RNF17: variants seen among roughly 807,000 people sequenced by gnomAD.
The protein encoded by RNF17 is ring finger protein 17.
RNF17 carries 31 observed loss-of-function variants against 200.5 expected under a neutral mutation model. That is an observed-to-expected ratio of 0.15 (90% CI 0.12 to 0.21). The LOEUF (loss-of-function observed/expected upper bound fraction) is 0.21, where lower values mean the gene tolerates loss of function less well. RNF17 is among the 10% of genes least tolerant of loss of function. The pLI, the probability that RNF17 is intolerant of heterozygous loss-of-function variation, is 1.00. For synonymous variants in RNF17, 606 were observed against 637.8 expected (o/e 0.95, Z 0.75); for missense variants, 1,628 against 1,905.1 (o/e 0.85, Z 2.71).
chr13:24,815,428 GGTGTGTGTGTGTGT>G (rs60054136), intron 15 of RNF17, among the ~76,000 whole-genome samples: 31,279 of 144,104 alleles, frequency 0.22, 3,732 homozygotes, highest in East Asian at 0.36. Flanking sequence ...GCCCTAACGG[GGTGTGTGTGTGTGT>G]GTGTGTGTGT....
At chr13:24,794,845 G>A (rs1460322090) in intron 10 of RNF17, among the ~76,000 whole-genome samples, 1 of 152,178 alleles carries the variant, frequency 6.6e-6, no homozygotes, top group African/African-American at 2.4e-5. Flanking sequence ...AGCCTCCGGA[G>A]TAGCTGGGAT....
At chr13:24,764,139 T>A, upstream of RNF17, 1 of 1,473,564 alleles carries the variant, frequency 6.8e-7, no homozygotes, top group Non-Finnish European at 9.2e-7. Flanking sequence ...CTCCAATGAT[T>A]GGTCGCTGCC....
At chr13:24,826,921 A>G (rs917710417) in intron 16 of RNF17, among the ~76,000 whole-genome samples, 10 of 151,880 alleles carry the variant, frequency 6.6e-5, no homozygotes, top group African/African-American at 2.4e-4. Context: ...TTAGCTGGGC[A>G]TGGTGGTGCA....
chr13:24,855,395 C>T (rs1422713794), intron 25 of RNF17, among the ~76,000 whole-genome samples: 5 of 151,982 alleles, frequency 3.3e-5, no homozygotes, highest in East Asian at 3.9e-4. Flanking sequence ...TTTGGGAGAC[C>T]GAGGTGGGTG....
At chr13:24,772,158 C>A (rs529689765) in intron 2 of RNF17, among the ~76,000 whole-genome samples, 30 of 152,136 alleles carry the variant, frequency 2.0e-4, no homozygotes, top group African/African-American at 7.0e-4. Context: ...CACTTGTATT[C>A]TATATTAAGT....
chr13:24,886,935 C>T, the RNF17 span, among the ~76,000 whole-genome samples: 1 of 152,148 alleles, frequency 6.6e-6, no homozygotes, highest in African/African-American at 2.4e-5. Context: ...ACCAACTGGG[C>T]AGGATAACGA....
chr13:24,789,449 C>T (rs762490905), intron 8 of RNF17, 25 bp downstream of exon 8: 1 of 1,447,322 alleles, frequency 6.9e-7, no homozygotes, highest in Non-Finnish European at 9.7e-7. Flanking sequence ...GTTCAGGAGA[C>T]CATAACAAGT....
At chr13:24,824,085 A>AG (rs1229341816) in intron 15 of RNF17, 1 of 660,156 alleles carries the variant, frequency 1.5e-6, no homozygotes, top group East Asian at 2.8e-5. Context: ...CATTCTGGGA[A>AG]GAGGGTAGGG....
At position 24,778,330 on chromosome 13, in the gene RNF17, C is replaced by T. The variant is rs1171951481; in HGVS notation, c.353C>T (p.Ala118Val). The T allele has an allele frequency of 1.9e-6, 3 of 1,612,670 alleles. No individual in the cohort carries two copies. The highest frequency in any genetic ancestry group is 1.3e-5 in the African/African-American group (1 of 74,874). Reference protein sequence around the residue: ...KNCSQDFKKTADQLTTGLERS... With the variant: ...KNCSQDFKKTVDQLTTGLERS... ...TGTTCTCAGGACTTTAAGAAGACTG[C>T]TGATCAGCTAACTACTGGTTTAGAA... is the stretch of plus-strand genomic sequence containing the variant. The change falls in exon 4 of 36, where the codon GCT (alanine) becomes GTT (valine). Residue 118 changes from alanine to valine, a missense_variant. By Grantham distance (64) the Ala-to-Val change is moderately conservative. This residue lies in a region of RNF17 where 502 missense variants were observed against 501.7 expected (regional missense o/e 1.00). Transcript: ENST00000255324.
chr13:24,857,614 A>C (rs1316773157), intron 25 of RNF17, among the ~76,000 whole-genome samples: 17 of 152,236 alleles, frequency 1.1e-4, no homozygotes, highest in Admixed American at 1.1e-3. Flanking sequence ...ATGAAAAAAG[A>C]ATACAGGCTG....
At chr13:24,841,167 A>G (rs1295835837) in intron 18 of RNF17, among the ~76,000 whole-genome samples, 1 of 152,306 alleles carries the variant, frequency 6.6e-6, no homozygotes, top group African/African-American at 2.4e-5. Flanking sequence ...CCTTACTTAC[A>G]CTCAGTTAAC....
chr13:24,760,188 A>G (rs1330423476), upstream of RNF17, among the ~76,000 whole-genome samples: 3 of 152,306 alleles, frequency 2.0e-5, no homozygotes, highest in East Asian at 5.8e-4. Context: ...GCATACACAT[A>G]TACACAAGAT....
Position 24,842,244 on chromosome 13 carries a change from T to A in RNF17, c.2603+83T>A, listed in dbSNP as rs919135870. 3 of 1,248,082 alleles carry A rather than the reference T, an allele frequency of 2.4e-6. No individual in the cohort carries two copies. The African/African-American group carries it at 4.6e-5, about 19-fold the overall frequency. The allele number at this position is 1,248,082 out of a possible 1,614,324, so 77.3% of individuals were successfully genotyped here. A position where few individuals can be genotyped will look rare whatever the true frequency, so the allele number is the denominator to read the frequency against. On this transcript the variant is annotated intron_variant, in intron 19 of 35. Coordinates refer to ENST00000255324, the MANE Select transcript of RNF17 (RefSeq NM_031277.3). Reference sequence around the variant, plus strand: ...ACAAGAAGGGAAACTGGCATATCATTCCCCATTGGAGATGAGCTTAGACTG... The same window carrying A: ...ACAAGAAGGGAAACTGGCATATCATACCCCATTGGAGATGAGCTTAGACTG...
rs150431714 is a variant in RNF17 at position 24,840,405 on chromosome 13, C to T, written c.2483-1636C>T. ...ACCCAGAGGAAAAGAAGTCATTATT[C>T]GAAAAAGACACTTGCACACGCATGT... is the stretch of plus-strand genomic sequence containing the variant. On this transcript the variant is annotated intron_variant, in intron 18 of 35. Coordinates refer to ENST00000255324, the MANE Select transcript of RNF17 (RefSeq NM_031277.3). 0.012 allele frequency among the ~76,000 whole-genome samples: 1,785 copies of T among 152,220 alleles called. 167 individuals are homozygous for T. In the East Asian group the frequency reaches 0.23, roughly 20 times the overall value.
rs370426165 is a variant in RNF17 at position 24,784,611 on chromosome 13, A to T, written c.611+2667A>T. Among the ~76,000 whole-genome samples the T allele has an allele frequency of 1.3e-4, 20 of 152,204 alleles. 1 individual carries two copies. In the East Asian group the frequency reaches 2.1e-3, roughly 16 times the overall value. On this transcript the variant is annotated intron_variant, in intron 6 of 35. Transcript: ENST00000255324. Reference sequence around the variant, plus strand: ...ATTTGTCTGTTTCACCTAGTTATATAATTTGTGTACAGTTGTTCATAATAG... The same window carrying T: ...ATTTGTCTGTTTCACCTAGTTATATTATTTGTGTACAGTTGTTCATAATAG...
chr13:24,767,381 T>G lies in RNF17; in HGVS notation c.225+15T>G, dbSNP rs1268073731. On this transcript the variant is annotated intron_variant, in intron 2 of 35. Transcript: ENST00000255324. ...CTGATTGTGAGGTAAGTGTTATAAT[T>G]TTTCAGATGAAACATATCACAACCT... 2.7e-6 allele frequency: 4 copies of G among 1,479,986 alleles called. No individual in the cohort carries two copies. In the African/African-American group the frequency reaches 5.5e-5, roughly 20 times the overall value. 91.7% of individuals were successfully genotyped at this position (1,479,986 alleles called of 1,614,324 possible).
chr13:24,830,398 T>C (rs1889256565), intron 16 of RNF17, 86 bp from the exon 17 acceptor site: 4 of 733,190 alleles, frequency 5.5e-6, no homozygotes, highest in Non-Finnish European at 9.5e-6. Context: ...AAAAGTATTC[T>C]AATCTAGTTG....
rs565105735 is a variant in RNF17, at chr13:24,803,537, G to A, written c.1950-751G>A. 5.0e-4 allele frequency among the ~76,000 whole-genome samples: 76 copies of A among 152,252 alleles called. 2 individuals carry two copies. The South Asian group carries it at 0.014, about 28-fold the overall frequency. On this transcript the variant is annotated intron_variant, in intron 14 of 35. Coordinates refer to ENST00000255324, the MANE Select transcript of RNF17 (RefSeq NM_031277.3). ...TGGTCTTGAACTCCTGCCCACCTTG[G>A]CCTTCCAAAGTGCTGGGATTACAGG... is the stretch of plus-strand genomic sequence containing the variant.
chr13:24,878,004 G>T (rs1895036063), intron 34 of RNF17, among the ~76,000 whole-genome samples: 1 of 152,176 alleles, frequency 6.6e-6, no homozygotes, highest in Non-Finnish European at 1.5e-5. Context: ...GGAATCCTGG[G>T]TCTCCCCATC....
Sources: gnomAD v4.1 joint callset for allele counts (sites outside exome capture counted in the v4.1 genomes callset) on GRCh38, gnomAD v4.1.1 for gene constraint, gnomAD v4.1.1 regional missense constraint, MANE v1.5 for transcripts, NCBI Gene and HGNC (gene_info 2026-07-23, HGNC 2026-07-21) for gene names.